The following FBXL18 variants were observed in gnomAD, a reference collection of about 807,000 sequenced individuals.
The protein encoded by FBXL18 is F-box and leucine rich repeat protein 18.
FBXL18 carries 36 observed loss-of-function variants against 46.0 expected under a neutral mutation model. That is an observed-to-expected ratio of 0.78 (90% CI 0.60 to 1.03). FBXL18 has a LOEUF of 1.03. FBXL18 is among the 50% of genes least tolerant of loss of function. FBXL18 has a pLI of 0.00. For missense variants in FBXL18, 977 were observed against 1,004.1 expected (o/e 0.97, Z 0.36); for synonymous variants, 557 against 465.3 (o/e 1.20, Z -2.54).
At chr7:5,456,365 G>A (rs1190320155) in intron 4 of FBXL18, among the ~76,000 whole-genome samples, 1 of 152,236 alleles carries the variant, frequency 6.6e-6, no homozygotes, top group East Asian at 1.9e-4. Context: ...GCTCGAATCA[G>A]TGGGAGGACA....
intron 4 of FBXL18, among the ~76,000 whole-genome samples, chr7:5,485,742 T>G (rs2128234619): frequency 6.6e-6 from 1 of 152,076 alleles, no homozygotes; most frequent in African/African-American, 2.4e-5. Context: ...ACCCTGTCTC[T>G]ACTAAAAATT....
intron 4 of FBXL18, among the ~76,000 whole-genome samples, chr7:5,484,339 T>C (rs944733621): frequency 1.3e-4 from 19 of 151,744 alleles, no homozygotes; most frequent in South Asian, 4.2e-4. Flanking sequence ...GGCGTGGTGG[T>C]GGGCGCCTGT....
At chr7:5,504,357 G>C (rs1784341244) in intron 2 of FBXL18, among the ~76,000 whole-genome samples, 1 of 151,072 alleles carries the variant, frequency 6.6e-6, no homozygotes, top group Non-Finnish European at 1.5e-5. Context: ...TTAAATCTGG[G>C]AGACAGAAGT....
At position 5,511,232 on chromosome 7, in the gene FBXL18, C is replaced by T. The variant is rs112997702; in HGVS notation, c.18+2425G>A. ...CAGGTGGATTATGAAGTCAGGAGAT[C>T]GAGACCATCCTGGCTAACACGGTGA... On this transcript the variant is annotated intron_variant, in intron 1 of 4. Coordinates refer to ENST00000382368, the MANE Select transcript of FBXL18 (RefSeq NM_024963.6). Among the ~76,000 whole-genome samples, 143 of 151,738 alleles carry T rather than the reference C, an allele frequency of 9.4e-4. 1 individual carries two copies. Among genetic ancestry groups the T allele is most frequent in the African/African-American group, 3.2e-3 (134 of 41,368 alleles).
intron 3 of FBXL18, among the ~76,000 whole-genome samples, chr7:5,497,929 C>T (rs922324475): frequency 5.9e-5 from 9 of 152,036 alleles, no homozygotes; most frequent in Non-Finnish European, 1.2e-4. Context: ...TTCATGTACC[C>T]GCAACCCACC....
chr7:5,461,382 C>T (rs1337835217), intron 4 of FBXL18, among the ~76,000 whole-genome samples: 1 of 151,926 alleles, frequency 6.6e-6, no homozygotes, highest in African/African-American at 2.4e-5. Context: ...GCCTGGGCAA[C>T]ATACTCGGTT....
chr7:5,493,676 C>T (rs949836890), intron 3 of FBXL18, among the ~76,000 whole-genome samples: 7 of 133,966 alleles, frequency 5.2e-5, no homozygotes, highest in Admixed American at 2.3e-4. Context: ...TGCGTGCGTG[C>T]GTGCGTGCGT....
At chr7:5,504,353 C>G (rs1784341184) in intron 2 of FBXL18, among the ~76,000 whole-genome samples, 1 of 150,184 alleles carries the variant, frequency 6.7e-6, no homozygotes, top group African/African-American at 2.4e-5. Context: ...TCATTTAAAT[C>G]TGGGAGACAG....
chr7:5,458,249 C>G (rs1783198379), intron 4 of FBXL18, among the ~76,000 whole-genome samples: 1 of 152,078 alleles, frequency 6.6e-6, no homozygotes, highest in Non-Finnish European at 1.5e-5. Flanking sequence ...ATAAAACCAC[C>G]CCCCAAGGCC....
chr7:5,506,913 G>A (rs1279684516), intron 1 of FBXL18, among the ~76,000 whole-genome samples: 1 of 152,136 alleles, frequency 6.6e-6, no homozygotes, highest in Non-Finnish European at 1.5e-5. Context: ...TCCCTAATGT[G>A]GGCCTGAGTC....
intron 3 of FBXL18, among the ~76,000 whole-genome samples, chr7:5,498,448 C>T (rs1474615137): frequency 6.6e-6 from 1 of 152,226 alleles, no homozygotes; most frequent in Non-Finnish European, 1.5e-5. Context: ...GGGCTTCACA[C>T]GCTCAGTCAA....
At chr7:5,470,095 T>G (rs1388686736) in intron 4 of FBXL18, among the ~76,000 whole-genome samples, 1 of 152,088 alleles carries the variant, frequency 6.6e-6, no homozygotes, top group Non-Finnish European at 1.5e-5. Context: ...GGTGAGGGAC[T>G]GATGGAGCGT....
chr7:5,505,917 G>C (rs1253974041), intron 1 of FBXL18, among the ~76,000 whole-genome samples: 7 of 152,200 alleles, frequency 4.6e-5, no homozygotes, highest in African/African-American at 1.4e-4. Context: ...CCAGGCTGGA[G>C]TCAATGGCGT....
downstream of FBXL18, among the ~76,000 whole-genome samples, chr7:5,475,013 A>G (rs1458791567): frequency 3.5e-5 from 5 of 141,436 alleles, no homozygotes; most frequent in African/African-American, 1.3e-4. The surrounding 1 kb of genome is among the most constrained non-coding windows in gnomAD (Gnocchi z 4.2). Context: ...TGGCCAAATT[A>G]TGCACTTTAA....
chr7:5,505,666 C>G, intron 1 of FBXL18, 36 bp from the exon 2 acceptor site: 1 of 1,578,164 alleles, frequency 6.3e-7, no homozygotes, highest in Non-Finnish European at 8.7e-7. Context: ...CACAGGATCC[C>G]CAAGGATGGC....
At chr7:5,463,969 G>C (rs968686169) in intron 4 of FBXL18, among the ~76,000 whole-genome samples, 17 of 151,746 alleles carry the variant, frequency 1.1e-4, no homozygotes, top group African/African-American at 3.9e-4. Context: ...TCGAACTACT[G>C]ACCTCATGAT....
At chr7:5,492,216 C>A (rs1008804001) in intron 3 of FBXL18, among the ~76,000 whole-genome samples, 1 of 148,062 alleles carries the variant, frequency 6.8e-6, no homozygotes, top group African/African-American at 2.5e-5. Flanking sequence ...CTAGATCCTT[C>A]CTGGGGAGTC....
intron 4 of FBXL18, among the ~76,000 whole-genome samples, chr7:5,483,271 T>C (rs926703621): frequency 1.1e-4 from 17 of 151,094 alleles, no homozygotes; most frequent in African/African-American, 3.9e-4. Flanking sequence ...TGAAACCCCG[T>C]CTCTACTAAA....
downstream of FBXL18, among the ~76,000 whole-genome samples, chr7:5,470,947 A>G (rs1783418373): frequency 6.6e-6 from 1 of 152,070 alleles, no homozygotes; most frequent in Non-Finnish European, 1.5e-5. Context: ...GTATCTGAGT[A>G]GGGACTCCCC....
Sources: gnomAD v4.1 joint callset for allele counts (sites outside exome capture counted in the v4.1 genomes callset) on GRCh38, gnomAD v4.1.1 for gene constraint, Gnocchi (gnomAD v3.1) non-coding constraint, MANE v1.5 for transcripts, NCBI Gene and HGNC (gene_info 2026-07-23, HGNC 2026-07-21) for gene names.